STRN: variants seen among roughly 807,000 people sequenced by gnomAD.
The protein encoded by STRN is striatin.
A neutral mutation model predicts 96.3 loss-of-function variants in STRN; 53 were observed. That is an observed-to-expected ratio of 0.55 (90% CI 0.44 to 0.69). STRN has a LOEUF of 0.69. STRN is among the 30% of genes least tolerant of loss of function. STRN has a pLI of 0.00. For missense variants in STRN, 987 were observed against 963.9 expected, an observed-to-expected ratio of 1.02 and a Z score of -0.32; for synonymous variants, 428 against 355.9, an observed-to-expected ratio of 1.20 and a Z score of -2.28.
At position 36,905,577 on chromosome 2, in the gene STRN, G is replaced by C; in HGVS notation, c.454C>G (p.Gln152Glu). The change falls in exon 4 of 18, where the codon CAG becomes GAG. Residue 152 changes from glutamine (Q) to glutamate (E), a missense_variant. By Grantham distance (29) the Gln-to-Glu change is conservative. Coordinates refer to ENST00000263918, the MANE Select transcript of STRN (RefSeq NM_003162.4). ...TGTCGACCTTGTTTCCACATTAACT[G>C]GCTGTTTTGTTGTGGCTGCACTTCT... ...ETEVQPQQNSQLMWKQGRQLL... is the reference protein window; with the variant it reads ...ETEVQPQQNSELMWKQGRQLL... 6.2e-7 allele frequency: 1 copy of C among 1,613,490 alleles called. No homozygotes were observed. Among genetic ancestry groups the C allele is most frequent in the South Asian group, 1.1e-5 (1 of 91,064 alleles).
At position 36,955,847 on chromosome 2, in the gene STRN, C is replaced by T. The variant is rs1664874112; in HGVS notation, c.234+10383G>A. Among the ~76,000 whole-genome samples the T allele has an allele frequency of 2.6e-5, 4 of 152,174 alleles. No homozygotes were observed. In the South Asian group the frequency reaches 8.3e-4, roughly 32 times the overall value. On this transcript the variant is annotated intron_variant, in intron 1 of 17. Coordinates refer to ENST00000263918, the MANE Select transcript of STRN (RefSeq NM_003162.4). ...TATTTGCATATACCTAATGAGATAT[C>T]TTGGGGATGAGACCCAAGTCTAAAC...
chr2:36,888,303 G>A (rs1669291872), intron 7 of STRN, among the ~76,000 whole-genome samples: 1 of 152,106 alleles, frequency 6.6e-6, no homozygotes, highest in African/African-American at 2.4e-5. Flanking sequence ...CAATGTAGCA[G>A]CCAAAGATGG....
chr2:36,906,870 G>C (rs1023011720), intron 3 of STRN, among the ~76,000 whole-genome samples: 1 of 151,898 alleles, frequency 6.6e-6, no homozygotes, highest in East Asian at 1.9e-4. Context: ...GCAGTGAGCC[G>C]AGATGATTGC....
At chr2:36,892,974 C>G (rs1388250802) in intron 7 of STRN, among the ~76,000 whole-genome samples, 3 of 151,890 alleles carry the variant, frequency 2.0e-5, no homozygotes, top group Non-Finnish European at 4.4e-5. Flanking sequence ...GAGCCAGGAT[C>G]ACGCCACTGC....
chr2:36,861,128 C>G lies in STRN; in HGVS notation c.1669+4G>C, dbSNP rs1184144209. 7 of 1,612,068 alleles carry G rather than the reference C, an allele frequency of 4.3e-6. No homozygotes were observed. Among genetic ancestry groups the G allele is most frequent in the Non-Finnish European group, 5.1e-6 (6 of 1,179,480 alleles). ...TTCCTTCAGATCTTTGGGAAATCAC[C>G]TACCATAAGAATCATAGGGGTCGAT... On this transcript the variant is annotated splice_donor_region_variant and intron_variant, in intron 13 of 17. Transcript: ENST00000263918.
rs373720815 is a variant in STRN, at chr2:36,957,654, TAAAAAAC to T, written c.234+8569_234+8575del. Among the ~76,000 whole-genome samples the T allele has an allele frequency of 6.3e-3, 939 of 148,318 alleles. 8 individuals are homozygous for T. Among genetic ancestry groups the T allele is most frequent in the African/African-American group, 0.022 (896 of 40,538 alleles). ...TCTAGACATCTACCAGAAGGAAATG[TAAAAAAC>T]AAAAAACAAACAAAAAAAAACCTTT... On this transcript the variant is annotated intron_variant, in intron 1 of 17. Coordinates refer to ENST00000263918, the MANE Select transcript of STRN (RefSeq NM_003162.4).
At chr2:36,955,152 G>C (rs557939248) in intron 1 of STRN, among the ~76,000 whole-genome samples, 1 of 152,318 alleles carries the variant, frequency 6.6e-6, no homozygotes, top group East Asian at 1.9e-4. Flanking sequence ...CAGCTACACA[G>C]AGTGAGGGAC....
At position 36,847,775 on chromosome 2, in the gene STRN, C is replaced by G. The variant is rs151324097; in HGVS notation, c.*1681G>C. The G allele has an allele frequency of 6.6e-6, 1 of 152,234 alleles. No individual in the cohort carries two copies. Among genetic ancestry groups the G allele is most frequent in the African/African-American group, 2.4e-5 (1 of 41,550 alleles). The allele number at this position is 152,234 out of a possible 1,614,324, so 9.4% of individuals were successfully genotyped here. ...TATTTGTCAATCATTAGCCACACCA[C>G]CACCAGAATACTTTTTCAAGGAGTA... On this transcript the variant is annotated 3_prime_UTR_variant, in exon 18 of 18. Coordinates refer to ENST00000263918, the MANE Select transcript of STRN (RefSeq NM_003162.4).
At chr2:36,925,683 G>A (rs1670390215) in intron 1 of STRN, among the ~76,000 whole-genome samples, 1 of 152,144 alleles carries the variant, frequency 6.6e-6, no homozygotes, top group Non-Finnish European at 1.5e-5. Flanking sequence ...TTAGGCAGGA[G>A]AATTGCTTGA....
intron 7 of STRN, among the ~76,000 whole-genome samples, chr2:36,891,636 T>C (rs374721139): frequency 2.6e-5 from 4 of 152,248 alleles, no homozygotes; most frequent in African/African-American, 9.6e-5. Context: ...ATAATATCTC[T>C]TGTAGACCTT....
intron 10 of STRN, among the ~76,000 whole-genome samples, chr2:36,874,219 G>A (rs1354962922): frequency 4.7e-5 from 7 of 150,192 alleles, no homozygotes; most frequent in Admixed American, 2.6e-4. Context: ...AGCTAAGATC[G>A]CGCCACTGCA....
chr2:36,956,274 A>G (rs1425210767), intron 1 of STRN, among the ~76,000 whole-genome samples: 2 of 152,226 alleles, frequency 1.3e-5, no homozygotes, highest in African/African-American at 2.4e-5. Flanking sequence ...CACCCATCAT[A>G]TATCACATAT....
chr2:36,865,556 T>C lies in STRN; in HGVS notation c.1547+2258A>G, dbSNP rs564689310. 2.0e-5 allele frequency among the ~76,000 whole-genome samples: 3 copies of C among 152,220 alleles called. No homozygotes were observed. In the South Asian group the frequency reaches 6.2e-4, roughly 32 times the overall value. On this transcript the variant is annotated intron_variant, in intron 12 of 17. Transcript: ENST00000263918. Reference sequence around the variant, plus strand: ...TCTCTTGTGTGTGATGTTAAGTTGTTAATTTGAGATCTAACTTTTTTTTGA... The same window carrying C: ...TCTCTTGTGTGTGATGTTAAGTTGTCAATTTGAGATCTAACTTTTTTTTGA...
Position 36,838,608 on chromosome 2 carries a change from A to G in STRN, c.*10848T>C, listed in dbSNP as rs1667873769. On this transcript the variant is annotated 3_prime_UTR_variant, in exon 18 of 18. Transcript: ENST00000263918. Reference sequence around the variant, plus strand: ...AGTATTAAGGGAAAAGTGTTTTTATACATTTACTGATGGAAATAAAAACTG... The same window carrying G: ...AGTATTAAGGGAAAAGTGTTTTTATGCATTTACTGATGGAAATAAAAACTG... Among the ~76,000 whole-genome samples the G allele has an allele frequency of 6.6e-6, 1 of 152,206 alleles. No homozygotes were observed. The highest frequency in any genetic ancestry group is 2.1e-4 in the South Asian group (1 of 4,836).
intron 1 of STRN, among the ~76,000 whole-genome samples, chr2:36,956,044 T>C (rs1664879379): frequency 6.6e-6 from 1 of 152,216 alleles, no homozygotes; most frequent in Admixed American, 6.5e-5. Context: ...ATGTCAGCAC[T>C]CAAAAAGATT....
chr2:36,923,489 A>G (rs979052747), intron 2 of STRN, among the ~76,000 whole-genome samples: 59 of 151,386 alleles, frequency 3.9e-4, no homozygotes, highest in African/African-American at 1.3e-3. Flanking sequence ...CAAATTATGT[A>G]CTTTTAAAAG....
intron 3 of STRN, among the ~76,000 whole-genome samples, chr2:36,914,915 G>A (rs760509694): frequency 6.6e-6 from 1 of 151,976 alleles, no homozygotes; most frequent in Non-Finnish European, 1.5e-5. Context: ...GTGAATATGC[G>A]GCCGGGCGTG....
Position 36,851,060 on chromosome 2 carries a change from G to C in STRN, c.2026C>G (p.Leu676Val). 1 of 1,613,896 alleles carries C rather than the reference G, an allele frequency of 6.2e-7. No individual in the cohort carries two copies. ...QINRVISHPT[L>V]PISITAHEDR... is the part of the protein sequence containing the mutation. ...TCATGAGCAGTGATGCTGATCGGAA[G>C]AGTAGGATGACTGATGACTCTATTT... The change falls in exon 16 of 18, where the codon CTT (leucine) becomes GTT (valine). Residue 676 changes from leucine (L) to valine (V), a missense_variant. Physicochemically the swap from Leu to Val is conservative, Grantham distance 32 (BLOSUM62 1). Transcript: ENST00000263918.
intron 1 of STRN, among the ~76,000 whole-genome samples, chr2:36,936,492 G>A (rs766467545): frequency 3.3e-5 from 5 of 152,114 alleles, no homozygotes; most frequent in African/African-American, 9.7e-5. Flanking sequence ...GAATGAACAC[G>A]TAATCTGATT....
Sources: gnomAD v4.1 joint callset for allele counts (sites outside exome capture counted in the v4.1 genomes callset) on GRCh38, gnomAD v4.1.1 for gene constraint, MANE v1.5 for transcripts, NCBI Gene and HGNC (gene_info 2026-07-23, HGNC 2026-07-21) for gene names.